Variants in LRRTM4 observed in about 807,000 individuals in gnomAD.
The protein encoded by LRRTM4 is leucine-rich repeat transmembrane neuronal protein 4.
In LRRTM4, 25 loss-of-function variants were observed where a neutral mutation model predicts 47.6. That is an observed-to-expected ratio of 0.53 (90% confidence interval 0.38 to 0.73). LRRTM4 has a LOEUF of 0.73. LRRTM4 is among the 30% of genes least tolerant of loss of function. LRRTM4 has a pLI of 0.00. For synonymous variants in LRRTM4, 311 were observed against 269.5 expected, an observed-to-expected ratio of 1.15 and a Z score of -1.51; for missense variants, 638 against 713.4, an observed-to-expected ratio of 0.89 and a Z score of 1.20.
At chr2:77,009,347 C>T (rs1050885420) in intron 3 of LRRTM4, 21 of 152,038 alleles carry the variant, frequency 1.4e-4, no homozygotes, top group African/African-American at 5.1e-4. Flanking sequence ...TTTGTCTTCT[C>T]CCATTTTCCT....
At chr2:76,978,262 A>G (rs1253571715) in intron 3 of LRRTM4, among the ~76,000 whole-genome samples, 1 of 152,034 alleles carries the variant, frequency 6.6e-6, no homozygotes, top group Non-Finnish European at 1.5e-5. Flanking sequence ...TTGAAAATTA[A>G]TACCTTGCTA....
intron 3 of LRRTM4, among the ~76,000 whole-genome samples, chr2:77,399,365 G>A (rs931602468): frequency 2.0e-5 from 3 of 151,620 alleles, no homozygotes; most frequent in African/African-American, 7.2e-5. Flanking sequence ...CGTACTCTCC[G>A]CAATTTTCAA....
intron 3 of LRRTM4, among the ~76,000 whole-genome samples, chr2:77,130,514 T>A (rs1671765862): frequency 7.4e-6 from 1 of 134,558 alleles, no homozygotes. Context: ...ATAATTATTT[T>A]TATTTTTATT....
At chr2:77,361,490 A>G (rs527845128) in intron 3 of LRRTM4, among the ~76,000 whole-genome samples, 46 of 152,198 alleles carry the variant, frequency 3.0e-4, no homozygotes, top group African/African-American at 1.1e-3. Flanking sequence ...ACAAATTATA[A>G]TGCTCAAATC....
At chr2:77,267,604 T>C (rs892909886) in intron 3 of LRRTM4, among the ~76,000 whole-genome samples, 2 of 152,154 alleles carry the variant, frequency 1.3e-5, no homozygotes, top group African/African-American at 4.8e-5. Flanking sequence ...AGTTTTAACA[T>C]GAGTTTTGGA....
At chr2:77,452,422 C>T (rs781124186) in intron 3 of LRRTM4, among the ~76,000 whole-genome samples, 2 of 152,056 alleles carry the variant, frequency 1.3e-5, no homozygotes, top group Non-Finnish European at 2.9e-5. Flanking sequence ...GTCATGAGCT[C>T]GCTTTAATAA....
Position 76,869,780 on chromosome 2 carries a change from A to G in LRRTM4, c.1552-120864T>C, listed in dbSNP as rs572492223. On this transcript the variant is annotated intron_variant, in intron 3 of 3. Coordinates refer to ENST00000409884, the MANE Select transcript of LRRTM4 (RefSeq NM_001134745.3). The stretch of plus-strand genomic sequence containing the variant: ...TAAGGGAACTTTAAAGAAAGGCACA[A>G]AAGAAAATAATACCCAATGACAAGA... Among the ~76,000 whole-genome samples, 4 of 152,348 alleles carry G rather than the reference A, an allele frequency of 2.6e-5. No individual in the cohort carries two copies. In the South Asian group the frequency reaches 8.3e-4, roughly 32 times the overall value.
chr2:77,212,893 G>A (rs2103926858), intron 3 of LRRTM4, among the ~76,000 whole-genome samples: 1 of 152,090 alleles, frequency 6.6e-6, no homozygotes, highest in African/African-American at 2.4e-5. Flanking sequence ...AAACATTTTA[G>A]GAATGAGATG....
chr2:76,905,667 T>A (rs932473770), intron 3 of LRRTM4, among the ~76,000 whole-genome samples: 1 of 96 alleles, frequency 0.01, no homozygotes, highest in Non-Finnish European at 0.023. Context: ...CTGACTGAGC[T>A]GAAACCAAGG....
intron 3 of LRRTM4, among the ~76,000 whole-genome samples, chr2:77,358,354 T>C (rs1008663955): frequency 1.2e-4 from 18 of 152,128 alleles, no homozygotes; most frequent in Admixed American, 1.1e-3. Context: ...CAATCCACTC[T>C]TGCGGGAACT....
intron 3 of LRRTM4, among the ~76,000 whole-genome samples, chr2:77,440,168 A>G (rs544403364): frequency 4.9e-4 from 75 of 152,196 alleles, no homozygotes; most frequent in African/African-American, 1.8e-3. Flanking sequence ...TAATCCGAGC[A>G]CTTTGGGAGG....
chr2:77,035,815 A>G (rs964580254), intron 3 of LRRTM4, among the ~76,000 whole-genome samples: 2 of 151,774 alleles, frequency 1.3e-5, no homozygotes, highest in Non-Finnish European at 2.9e-5. Context: ...ATTTTTTAAA[A>G]TGTTCCCTAG....
chr2:77,470,046 G>A (rs923660709), intron 3 of LRRTM4, among the ~76,000 whole-genome samples: 1 of 152,120 alleles, frequency 6.6e-6, no homozygotes, highest in African/African-American at 2.4e-5. Context: ...GAGAGGATAA[G>A]AAGTGAAAGT....
At chr2:76,899,344 CACACACACATAT>C (rs1042104307) in intron 3 of LRRTM4, among the ~76,000 whole-genome samples, 3 of 128,492 alleles carry the variant, frequency 2.3e-5, no homozygotes, top group African/African-American at 6.2e-5. Context: ...CACACACACA[CACACACACATAT>C]ATATATATAA....
At chr2:77,326,350 CAAGG>C (rs1278301459) in intron 3 of LRRTM4, among the ~76,000 whole-genome samples, 14 of 152,252 alleles carry the variant, frequency 9.2e-5, no homozygotes, top group African/African-American at 3.4e-4. Context: ...CTAGAAATTG[CAAGG>C]AAAATAAATC....
chr2:76,938,718 G>A (rs1234199286), intron 3 of LRRTM4, among the ~76,000 whole-genome samples: 1 of 151,918 alleles, frequency 6.6e-6, no homozygotes, highest in African/African-American at 2.4e-5. Flanking sequence ...TTCTGTAATT[G>A]TTTCATCAGG....
intron 3 of LRRTM4, among the ~76,000 whole-genome samples, chr2:77,452,097 T>TA (rs1409607266): frequency 6.6e-6 from 1 of 151,584 alleles, no homozygotes; most frequent in African/African-American, 2.4e-5. Context: ...GATTTCACAT[T>TA]AAATGCAATG....
intron 3 of LRRTM4, among the ~76,000 whole-genome samples, chr2:76,920,404 G>A (rs142621870): frequency 1.3e-5 from 2 of 152,138 alleles, no homozygotes; most frequent in African/African-American, 4.8e-5. Flanking sequence ...ATAATCTCCA[G>A]GCTTGAATGT....
chr2:77,160,636 C>G (rs1283242455), intron 3 of LRRTM4, among the ~76,000 whole-genome samples: 4 of 152,080 alleles, frequency 2.6e-5, no homozygotes. Flanking sequence ...TGAAGACTGA[C>G]AGCTTGTGCT....
Sources: allele counts gnomAD v4.1 joint callset (sites outside exome capture counted in the v4.1 genomes callset), GRCh38; gene constraint gnomAD v4.1.1; transcripts MANE v1.5; gene names NCBI Gene and HGNC (gene_info 2026-07-23, HGNC 2026-07-21).